Variants in ANKRD13C observed in about 807,000 individuals in gnomAD.
The protein encoded by ANKRD13C is ankyrin repeat domain-containing protein 13C.
In ANKRD13C, 16 loss-of-function variants were observed where a neutral mutation model predicts 65.5. The observed-to-expected ratio is 0.24, with a 90% CI of 0.17 to 0.37. The LOEUF (loss-of-function observed/expected upper bound fraction) is 0.37. ANKRD13C is among the 10% of genes least tolerant of loss of function. The pLI is 1.00. For missense variants in ANKRD13C, 503 were observed against 655.9 expected, an observed-to-expected ratio of 0.77 and a Z score of 2.55; for synonymous variants, 235 against 238.7, an observed-to-expected ratio of 0.98 and a Z score of 0.14.
intron 2 of ANKRD13C, among the ~76,000 whole-genome samples, chr1:70,330,939 A>G (rs573039969): frequency 5.3e-5 from 8 of 152,294 alleles, no homozygotes; most frequent in Admixed American, 2.6e-4. Context: ...CCACAGTTCA[A>G]TAACCTCCCA....
chr1:70,325,307 C>T (rs551816860), intron 2 of ANKRD13C, among the ~76,000 whole-genome samples: 158 of 152,064 alleles, frequency 1.0e-3, no homozygotes, highest in Non-Finnish European at 2.0e-3. Context: ...TACCTATCAG[C>T]TAGTAAGACC....
intron 9 of ANKRD13C, among the ~76,000 whole-genome samples, chr1:70,277,289 T>C (rs2101149439): frequency 6.6e-6 from 1 of 152,024 alleles, no homozygotes; most frequent in East Asian, 1.9e-4. Flanking sequence ...AACCCCGTCT[T>C]TACTAAAAAT....
At chr1:70,291,159 T>C (rs1241921460) in intron 9 of ANKRD13C, among the ~76,000 whole-genome samples, 1 of 152,044 alleles carries the variant, frequency 6.6e-6, no homozygotes, top group East Asian at 1.9e-4. Flanking sequence ...GCCTTCCGAG[T>C]AGCTGGGATT....
intron 1 of ANKRD13C, among the ~76,000 whole-genome samples, chr1:70,352,700 A>G (rs1299222645): frequency 6.6e-6 from 1 of 152,248 alleles, no homozygotes; most frequent in African/African-American, 2.4e-5. Context: ...AAGGGCTAGC[A>G]TAGAATTACC....
intron 3 of ANKRD13C, among the ~76,000 whole-genome samples, chr1:70,317,418 T>C (rs1202401265): frequency 6.6e-6 from 1 of 152,148 alleles, no homozygotes; most frequent in East Asian, 1.9e-4. Context: ...CTTAATAAAT[T>C]TTTTTAAAGA....
intron 9 of ANKRD13C, among the ~76,000 whole-genome samples, chr1:70,286,971 C>T (rs183599809): frequency 1.4e-4 from 21 of 151,596 alleles, no homozygotes; most frequent in South Asian, 1.3e-3. Flanking sequence ...GGGGATAGAA[C>T]GAGACTCTGT....
In ANKRD13C at chr1:70,275,976, A is replaced by C. The variant is rs1039631627; in HGVS notation, c.1295+789T>G. Among the ~76,000 whole-genome samples, 7 of 150,892 alleles carry C rather than the reference A, an allele frequency of 4.6e-5. No homozygotes were observed. The South Asian group carries it at 1.0e-3, about 22-fold the overall frequency. ...GACTCCATCTCAAAAAAAAAAAAAA[A>C]AAAAAACTATAAAAATATTAAGATG... On this transcript the variant is annotated intron_variant, in intron 10 of 12. Coordinates refer to ENST00000370944, the MANE Select transcript of ANKRD13C (RefSeq NM_030816.5).
At chr1:70,346,997 C>G (rs1318403495) in intron 1 of ANKRD13C, among the ~76,000 whole-genome samples, 1 of 145,800 alleles carries the variant, frequency 6.9e-6, no homozygotes, top group Non-Finnish European at 1.5e-5. Flanking sequence ...GAGGCTGAGG[C>G]AGGAGAATGG....
chr1:70,322,686 C>T (rs899658582), intron 3 of ANKRD13C, among the ~76,000 whole-genome samples: 2 of 152,066 alleles, frequency 1.3e-5, no homozygotes, highest in Admixed American at 6.6e-5. Context: ...TCAGTAAATA[C>T]TGACTCTGAG....
At chr1:70,292,655 C>A (rs947913131) in intron 8 of ANKRD13C, 106 bp from the exon 9 acceptor site, 1 of 788,642 alleles carries the variant, frequency 1.3e-6, no homozygotes, top group Non-Finnish European at 2.0e-6. Flanking sequence ...AATAAATATT[C>A]CTTTGGTACT....
intron 1 of ANKRD13C, among the ~76,000 whole-genome samples, chr1:70,343,642 T>A (rs1021634656): frequency 1.3e-5 from 2 of 152,140 alleles, no homozygotes; most frequent in Non-Finnish European, 2.9e-5. Context: ...CTCTACCTCC[T>A]GTGCCTCAGC....
intron 5 of ANKRD13C, among the ~76,000 whole-genome samples, chr1:70,313,505 G>C (rs1266789068): frequency 6.6e-6 from 1 of 150,862 alleles, no homozygotes; most frequent in Non-Finnish European, 1.5e-5. Flanking sequence ...ACTCCAGCCT[G>C]GGCAACAGTG....
At chr1:70,271,651 T>A (rs1678887236) in intron 11 of ANKRD13C, among the ~76,000 whole-genome samples, 1 of 152,202 alleles carries the variant, frequency 6.6e-6, no homozygotes, top group Non-Finnish European at 1.5e-5. Context: ...CAGGCTGATT[T>A]TATCCCTTTT....
chr1:70,319,197 G>T, intron 3 of ANKRD13C, among the ~76,000 whole-genome samples: 1 of 152,026 alleles, frequency 6.6e-6, no homozygotes, highest in East Asian at 1.9e-4. Flanking sequence ...CTGGAAATTG[G>T]GATTAAAATC....
At chr1:70,275,408 A>G (rs1433668778) in intron 10 of ANKRD13C, among the ~76,000 whole-genome samples, 1 of 152,160 alleles carries the variant, frequency 6.6e-6, no homozygotes, top group Non-Finnish European at 1.5e-5. Context: ...ACGGTGGGGA[A>G]AAAAGGTGAT....
At chr1:70,274,944 TAA>T in intron 10 of ANKRD13C, 126 bp from the exon 11 acceptor site, 1 of 614,696 alleles carries the variant, frequency 1.6e-6, no homozygotes, top group South Asian at 2.2e-5. Context: ...TCTACAGAAA[TAA>T]AGTTATGCTA....
At chr1:70,310,039 C>T (rs1157044824) in intron 5 of ANKRD13C, among the ~76,000 whole-genome samples, 1 of 152,016 alleles carries the variant, frequency 6.6e-6, no homozygotes, top group Non-Finnish European at 1.5e-5. Context: ...ATGTGATTTG[C>T]AATGTCAAAT....
intron 9 of ANKRD13C, among the ~76,000 whole-genome samples, chr1:70,284,985 C>T (rs1679552895): frequency 6.6e-6 from 1 of 152,130 alleles, no homozygotes; most frequent in Non-Finnish European, 1.5e-5. Context: ...GAATAGGCCA[C>T]TGGAGAATCC....
chr1:70,343,105 A>G (rs995561754), intron 1 of ANKRD13C, among the ~76,000 whole-genome samples: 55 of 152,224 alleles, frequency 3.6e-4, no homozygotes, highest in Non-Finnish European at 1.2e-4. Context: ...TAATCATATT[A>G]TCACAAGATT....
Sources: gnomAD v4.1 joint callset for allele counts (sites outside exome capture counted in the v4.1 genomes callset) on GRCh38, gnomAD v4.1.1 for gene constraint, MANE v1.5 for transcripts, NCBI Gene and HGNC (gene_info 2026-07-23, HGNC 2026-07-21) for gene names.